The following EVI5 variants were observed in gnomAD, a reference collection of about 807,000 sequenced individuals.
The protein encoded by EVI5 is ecotropic viral integration site 5 protein homolog.
Under a neutral mutation model 112.0 loss-of-function variants are expected in EVI5, and 73 were observed. The observed-to-expected ratio is 0.65, with a 90% confidence interval of 0.54 to 0.79. EVI5 has a LOEUF of 0.79. Ranked by LOEUF, EVI5 falls within the 30% of genes least tolerant of loss-of-function variation. The pLI, the probability that EVI5 is intolerant of heterozygous loss-of-function variation, is 0.00. For missense variants in EVI5, 900 were observed against 968.8 expected (o/e 0.93, Z 0.94); for synonymous variants, 305 against 319.9 (o/e 0.95, Z 0.50).
At chr1:92,607,408 G>A in intron 17 of EVI5, 173 bp downstream of exon 17, 1 of 448,588 alleles carries the variant, frequency 2.2e-6, no homozygotes, top group Admixed American at 4.4e-5. Context: ...CACCCCAGAA[G>A]CAAGATGAGC....
intron 16 of EVI5, among the ~76,000 whole-genome samples, chr1:92,620,919 T>C (rs1246663656): frequency 6.6e-6 from 1 of 152,144 alleles, no homozygotes; most frequent in Non-Finnish European, 1.5e-5. Flanking sequence ...ATGTAAAATG[T>C]ATGACAATTT....
At chr1:92,605,550 C>A in intron 17 of EVI5, 148 bp from the exon 18 acceptor site, 1 of 570,766 alleles carries the variant, frequency 1.8e-6, no homozygotes, top group Non-Finnish European at 3.1e-6. Flanking sequence ...ATGCTCAATA[C>A]ATACAACGAA....
Position 92,532,975 on chromosome 1 carries a change from CA to C in EVI5, c.2167-19006del, listed in dbSNP as rs548957506. On this transcript the variant is annotated intron_variant, in intron 19 of 19. Transcript: ENST00000684568. The stretch of plus-strand genomic sequence containing the variant: ...GGAGATAGAGACACAAAAAACCCTT[CA>C]AAAAAATCAATGAATCTAGGAACTT... Among the ~76,000 whole-genome samples the C allele has an allele frequency of 3.0e-3, 406 of 135,428 alleles. 6 individuals are homozygous for C. Among genetic ancestry groups the C allele is most frequent in the African/African-American group, 0.011 (393 of 36,842 alleles). The allele number at this position is 135,428 out of a possible 152,430, so 88.8% of individuals were successfully genotyped here.
Position 92,716,703 on chromosome 1 carries a change from C to A in EVI5, c.150-11959G>T, listed in dbSNP as rs183612907. 8.0e-5 allele frequency among the ~76,000 whole-genome samples: 12 copies of A among 150,912 alleles called. No homozygotes were observed. In the East Asian group the frequency reaches 2.1e-3, roughly 27 times the overall value. On this transcript the variant is annotated intron_variant, in intron 2 of 19. Coordinates refer to ENST00000684568, the MANE Select transcript of EVI5 (RefSeq NM_001350197.2). The stretch of plus-strand genomic sequence containing the variant: ...TAAAGGAGGATGTTCAAACCCATCA[C>A]AAGGAAGCTAAAAACCCTGAAAAAA...
chr1:92,746,889 T>A (rs1001132730), intron 1 of EVI5, among the ~76,000 whole-genome samples: 3 of 99,476 alleles, frequency 3.0e-5, no homozygotes. Context: ...AGCAAGACTC[T>A]GGTTCAAAAA....
At chr1:92,768,695 T>TG (rs1682984453) in intron 1 of EVI5, among the ~76,000 whole-genome samples, 1 of 152,094 alleles carries the variant, frequency 6.6e-6, no homozygotes, top group East Asian at 1.9e-4. Context: ...GGCAACAAGA[T>TG]GAAGCCCCAT....
At chr1:92,647,610 T>A in intron 13 of EVI5, 1 of 459,782 alleles carries the variant, frequency 2.2e-6, no homozygotes, top group Non-Finnish European at 4.1e-6. Context: ...CAGACACCTT[T>A]CCCTCTGGTT....
intron 13 of EVI5, among the ~76,000 whole-genome samples, chr1:92,660,577 T>C (rs1203170625): frequency 2.0e-5 from 3 of 151,954 alleles, no homozygotes; most frequent in Non-Finnish European, 4.4e-5. Context: ...AGAGGGGATT[T>C]TGAATGTTCT....
chr1:92,729,530 T>C (rs999044024), intron 2 of EVI5, among the ~76,000 whole-genome samples: 1 of 152,074 alleles, frequency 6.6e-6, no homozygotes, highest in Non-Finnish European at 1.5e-5. Flanking sequence ...GCAAATACAT[T>C]CAACTCTCCA....
chr1:92,593,817 G>A (rs562915422), intron 18 of EVI5, among the ~76,000 whole-genome samples: 18 of 152,162 alleles, frequency 1.2e-4, no homozygotes, highest in Admixed American at 3.9e-4. Context: ...ACTCCCATTC[G>A]CAATTGCTTC....
At chr1:92,559,059 G>C (rs1440781278) in intron 19 of EVI5, among the ~76,000 whole-genome samples, 1 of 151,984 alleles carries the variant, frequency 6.6e-6, no homozygotes, top group Non-Finnish European at 1.5e-5. Flanking sequence ...ATATCAAATG[G>C]CATATTTGCA....
At position 92,631,658 on chromosome 1, in the gene EVI5, G is replaced by T. The variant is rs1432238003; in HGVS notation, c.1527+4544C>A. Among the ~76,000 whole-genome samples the T allele has an allele frequency of 3.3e-5, 5 of 151,996 alleles. No homozygotes were observed. The East Asian group carries it at 7.7e-4, about 23-fold the overall frequency. Reference sequence around the variant, plus strand: ...CAATTTGACTTCCTCTTTTCCTAATGGAATACCCTTTATTTCCTTCTCCTG... The same window carrying T: ...CAATTTGACTTCCTCTTTTCCTAATTGAATACCCTTTATTTCCTTCTCCTG... On this transcript the variant is annotated intron_variant, in intron 14 of 19. Transcript: ENST00000684568.
chr1:92,662,498 T>G (rs1395274800), intron 13 of EVI5, among the ~76,000 whole-genome samples: 1 of 152,178 alleles, frequency 6.6e-6, no homozygotes, highest in Non-Finnish European at 1.5e-5. Context: ...TATTACCTAT[T>G]TCTAACAAAA....
chr1:92,631,495 G>A (rs1221993165), intron 14 of EVI5, among the ~76,000 whole-genome samples: 1 of 152,136 alleles, frequency 6.6e-6, no homozygotes, highest in Admixed American at 6.5e-5. Flanking sequence ...TGTTATTGGT[G>A]TATAAGAATG....
chr1:92,589,313 G>A (rs544755750), intron 18 of EVI5, among the ~76,000 whole-genome samples: 5 of 152,102 alleles, frequency 3.3e-5, no homozygotes, highest in African/African-American at 9.7e-5. Context: ...GAAGTAGGAC[G>A]AGGCATCACC....
At chr1:92,608,691 G>A (rs1381648596) in intron 16 of EVI5, among the ~76,000 whole-genome samples, 3 of 144,658 alleles carry the variant, frequency 2.1e-5, no homozygotes, top group Admixed American at 1.4e-4. Flanking sequence ...GTGACAAGAA[G>A]ACTCTGTCTC....
At chr1:92,717,098 T>C (rs1029097401) in intron 2 of EVI5, among the ~76,000 whole-genome samples, 25 of 152,262 alleles carry the variant, frequency 1.6e-4, no homozygotes, top group East Asian at 5.8e-4. Flanking sequence ...AATGACTTGA[T>C]GGAGCCGAAA....
chr1:92,690,735 T>C (rs1669363824), intron 9 of EVI5, among the ~76,000 whole-genome samples: 1 of 152,186 alleles, frequency 6.6e-6, no homozygotes, highest in African/African-American at 2.4e-5. Context: ...AGTATCAACT[T>C]ACAAAGTACT....
At chr1:92,636,179 C>A in intron 14 of EVI5, 23 bp downstream of exon 14, 2 of 1,593,804 alleles carry the variant, frequency 1.3e-6, no homozygotes, top group African/African-American at 1.3e-5. Flanking sequence ...TTGGGAATGA[C>A]TGCATTTGTG....
Sources: gnomAD v4.1 joint callset for allele counts (sites outside exome capture counted in the v4.1 genomes callset) on GRCh38, gnomAD v4.1.1 for gene constraint, MANE v1.5 for transcripts, NCBI Gene and HGNC (gene_info 2026-07-23, HGNC 2026-07-21) for gene names.